Variants in CSPP1 observed in about 807,000 individuals in gnomAD.
CSPP1 encodes centrosome and spindle pole-associated protein 1.
Under a neutral mutation model 164.4 loss-of-function variants are expected in CSPP1, and 126 were observed. The observed-to-expected ratio is 0.77, with a 90% CI of 0.66 to 0.89. The LOEUF (loss-of-function observed/expected upper bound fraction) is 0.89. Among genes scored for constraint, CSPP1 ranks in the 40% least tolerant of loss-of-function variants. CSPP1 has a pLI of 0.00. For missense variants in CSPP1, 1,395 were observed against 1,449.8 expected (o/e 0.96, Z 0.61); for synonymous variants, 472 against 476.7 (o/e 0.99, Z 0.13).
chr8:67,117,411 G>A (rs1818157475), intron 13 of CSPP1, among the ~76,000 whole-genome samples: 1 of 152,142 alleles, frequency 6.6e-6, no homozygotes, highest in South Asian at 2.1e-4. Flanking sequence ...GAACATTCTA[G>A]AATGCCGCCA....
chr8:67,196,562 G>A lies in CSPP1; in HGVS notation c.*969G>A, dbSNP rs1373940300. Among the ~76,000 whole-genome samples the A allele has an allele frequency of 5.9e-5, 9 of 152,170 alleles. No individual in the cohort carries two copies. The East Asian group carries it at 1.7e-3, about 29-fold the overall frequency. ...AATACTTCCTCTGATGTAATTAACG[G>A]TTGGTAGACAATATCAGACAAATTT... On this transcript the variant is annotated 3_prime_UTR_variant, in exon 31 of 31. Transcript: ENST00000678616.
At chr8:67,190,896 T>C (rs1285292758) in intron 29 of CSPP1, 137 bp downstream of exon 29, 5 of 647,074 alleles carry the variant, frequency 7.7e-6, no homozygotes, top group Non-Finnish European at 1.4e-5. Context: ...AGGCTCTGCC[T>C]TGACTGGATG....
At chr8:67,119,035 C>T (rs1376777273) in intron 15 of CSPP1, among the ~76,000 whole-genome samples, 1 of 152,112 alleles carries the variant, frequency 6.6e-6, no homozygotes, top group Non-Finnish European at 1.5e-5. Context: ...GGTGTACCTC[C>T]TCATTCCCCT....
In CSPP1 at chr8:67,064,441, C is replaced by T. The variant is rs2129538420; in HGVS notation, c.-108C>T. On this transcript the variant is annotated 5_prime_UTR_variant, in exon 1 of 31. Coordinates refer to ENST00000678616, the MANE Select transcript of CSPP1 (RefSeq NM_001382391.1). ...GGTGGCCGCTGTAACCTCTTCGGTC[C>T]GCGACGATCCTCTAGAGCACTGTGT... is the stretch of plus-strand genomic sequence containing the variant. 1.2e-6 allele frequency: 2 copies of T among 1,613,954 alleles called. No homozygotes were observed. The highest frequency in any genetic ancestry group is 1.1e-5 in the South Asian group (1 of 91,088).
intron 17 of CSPP1, among the ~76,000 whole-genome samples, chr8:67,138,187 C>G (rs1384891825): frequency 2.0e-5 from 3 of 152,080 alleles, no homozygotes; most frequent in Non-Finnish European, 4.4e-5. Context: ...GAAAGAGTGG[C>G]TTTATACAAC....
chr8:67,112,095 A>G, intron 10 of CSPP1, 30 bp downstream of exon 10: 1 of 1,510,360 alleles, frequency 6.6e-7, no homozygotes, highest in Non-Finnish European at 9.2e-7. Context: ...TAAAAGAGAT[A>G]TTTTGAGTTT....
In CSPP1 at chr8:67,076,513, G is replaced by GT. The variant is rs770296270; in HGVS notation, c.132dup (p.Lys45Ter). ...TTGTCAGCGAAGCTTTCTGAAAACA[G>GT]TAAGATACTGATCTCTATGGCTAAG... is the stretch of plus-strand genomic sequence containing the variant. On this transcript the variant is annotated frameshift_variant, in exon 3 of 31. Transcript: ENST00000678616. LOFTEE classifies it high-confidence loss of function. The GT allele has an allele frequency of 2.6e-5, 41 of 1,600,008 alleles. No homozygotes were observed. The highest frequency in any genetic ancestry group is 3.1e-5 in the Non-Finnish European group (36 of 1,174,712).
intron 1 of CSPP1, among the ~76,000 whole-genome samples, chr8:67,073,771 G>A (rs1807330796): frequency 6.6e-6 from 1 of 152,148 alleles, no homozygotes. Flanking sequence ...TTGTGTGTAT[G>A]GAGAGAATGA....
intron 3 of CSPP1, among the ~76,000 whole-genome samples, chr8:67,077,335 ATTTT>A (rs891937068): frequency 5.2e-5 from 7 of 135,510 alleles, no homozygotes; most frequent in African/African-American, 1.9e-4. Context: ...AATATATATA[ATTTT>A]TTTTTTTTTT....
At chr8:67,111,874 A>T (rs184722444) in intron 9 of CSPP1, 98 bp from the exon 10 acceptor site, 17 of 623,762 alleles carry the variant, frequency 2.7e-5, no homozygotes, top group African/African-American at 2.6e-4. Flanking sequence ...ATTAGTAATT[A>T]TATGATACAA....
chr8:67,167,454 C>G (rs1488017561), intron 24 of CSPP1, among the ~76,000 whole-genome samples: 2 of 151,418 alleles, frequency 1.3e-5, no homozygotes, highest in Admixed American at 1.3e-4. Context: ...CCCCCCACCT[C>G]CCGGATGGGG....
chr8:67,179,818 T>C lies in CSPP1; in HGVS notation c.3157-45T>C. 2.2e-6 allele frequency: 3 copies of C among 1,351,862 alleles called. No individual in the cohort carries two copies. The South Asian group carries it at 3.6e-5, about 16-fold the overall frequency. 83.7% of individuals were successfully genotyped at this position (1,351,862 alleles called of 1,614,324 possible). ...TCTTAGTATAAATTTGTTGTTTTTG[T>C]ACACAAAACTAATAAAAATAGTCAT... On this transcript the variant is annotated intron_variant, in intron 27 of 30. Transcript: ENST00000678616.
intron 15 of CSPP1, among the ~76,000 whole-genome samples, chr8:67,124,710 C>T (rs1819722451): frequency 6.6e-6 from 1 of 152,060 alleles, no homozygotes; most frequent in Admixed American, 6.6e-5. Context: ...GAGATAGGAT[C>T]TCACTCTGTC....
chr8:67,194,979 A>AAAAAT (rs1319151961), intron 30 of CSPP1, among the ~76,000 whole-genome samples: 1 of 152,180 alleles, frequency 6.6e-6, no homozygotes, highest in African/African-American at 2.4e-5. Context: ...TTGCTTTAAA[A>AAAAAT]AAAATAAAAA....
At chr8:67,189,321 T>C (rs1302404471) in intron 28 of CSPP1, among the ~76,000 whole-genome samples, 1 of 152,202 alleles carries the variant, frequency 6.6e-6, no homozygotes, top group African/African-American at 2.4e-5. Context: ...CACAGATACT[T>C]ATAGCACCTT....
At chr8:67,086,279 A>G in intron 4 of CSPP1, 169 bp downstream of exon 4, 1 of 701,524 alleles carries the variant, frequency 1.4e-6, no homozygotes, top group East Asian at 2.6e-5. Flanking sequence ...AGAGAAAAAA[A>G]TATTGCTGAG....
intron 6 of CSPP1, among the ~76,000 whole-genome samples, chr8:67,093,976 C>T (rs1024402656): frequency 2.7e-5 from 4 of 150,474 alleles, no homozygotes; most frequent in East Asian, 2.0e-4. Context: ...ATCAATTAGC[C>T]GGACATGGTG....
At chr8:67,105,587 T>C (rs955456477) in intron 8 of CSPP1, among the ~76,000 whole-genome samples, 10 of 151,858 alleles carry the variant, frequency 6.6e-5, no homozygotes, top group Admixed American at 5.9e-4. Flanking sequence ...TTTCACCATA[T>C]TGGCCAGGCT....
chr8:67,145,667 A>G (rs994333355), intron 17 of CSPP1, among the ~76,000 whole-genome samples: 2 of 151,846 alleles, frequency 1.3e-5, no homozygotes, highest in Non-Finnish European at 2.9e-5. Flanking sequence ...GGGACTGACT[A>G]CAGGCACACA....
Sources: allele counts gnomAD v4.1 joint callset (sites outside exome capture counted in the v4.1 genomes callset), GRCh38; gene constraint gnomAD v4.1.1; transcripts MANE v1.5; gene names NCBI Gene and HGNC (gene_info 2026-07-23, HGNC 2026-07-21).